Variants in PIBF1 observed in about 807,000 individuals in gnomAD.
PIBF1 encodes the protein progesterone immunomodulatory binding factor 1.
Under a neutral mutation model 112.5 loss-of-function variants are expected in PIBF1, and 90 were observed. The observed-to-expected ratio is 0.80, with a 90% CI of 0.67 to 0.95. PIBF1 has a LOEUF of 0.95. Among genes scored for constraint, PIBF1 ranks in the 40% least tolerant of loss-of-function variants. PIBF1 has a pLI of 0.00. For missense variants in PIBF1, 915 were observed against 852.3 expected (o/e 1.07, Z -0.92); for synonymous variants, 301 against 288.6 (o/e 1.04, Z -0.44).
chr13:72,942,140 T>C (rs2042029359), intron 14 of PIBF1, among the ~76,000 whole-genome samples: 1 of 151,654 alleles, frequency 6.6e-6, no homozygotes, highest in South Asian at 2.1e-4. Context: ...CTGTGGCACA[T>C]ACAACTCACA....
chr13:72,937,826 A>G (rs774792147), intron 14 of PIBF1, among the ~76,000 whole-genome samples: 1 of 151,658 alleles, frequency 6.6e-6, no homozygotes, highest in Non-Finnish European at 1.5e-5. Context: ...AAAAAAAATA[A>G]ATGAAATGAA....
intron 9 of PIBF1, 92 bp downstream of exon 9, chr13:72,835,460 TCTTTTTTAATAC>T: frequency 1.1e-6 from 1 of 934,988 alleles, no homozygotes; most frequent in Non-Finnish European, 1.5e-6. Context: ...TTATATAATG[TCTTTTTTAATAC>T]ATTAGAGAAA....
intron 10 of PIBF1, among the ~76,000 whole-genome samples, chr13:72,891,908 A>G (rs1225358790): frequency 6.6e-6 from 1 of 152,174 alleles, no homozygotes; most frequent in Non-Finnish European, 1.5e-5. Flanking sequence ...ATTCTACAAC[A>G]TGAATGAACC....
chr13:72,899,922 T>C (rs1194361478), intron 11 of PIBF1, among the ~76,000 whole-genome samples: 1 of 152,156 alleles, frequency 6.6e-6, no homozygotes. Context: ...GGATACAAGA[T>C]TGATGTACAC....
At chr13:72,992,039 C>G (rs771988675) in intron 16 of PIBF1, among the ~76,000 whole-genome samples, 10 of 151,930 alleles carry the variant, frequency 6.6e-5, no homozygotes, top group Non-Finnish European at 7.4e-5. Context: ...TTTTTTAAAA[C>G]TGTCTCAGCT....
At chr13:72,786,574 G>A (rs1293402745) in intron 2 of PIBF1, among the ~76,000 whole-genome samples, 1 of 152,028 alleles carries the variant, frequency 6.6e-6, no homozygotes, top group African/African-American at 2.4e-5. Context: ...TTCTTTGTGT[G>A]CGTCTACCAG....
In PIBF1 at chr13:72,908,614, A is replaced by G; in HGVS notation, c.1572A>G (p.Gln524=). 1 of 1,613,482 alleles carries G rather than the reference A, an allele frequency of 6.2e-7. No homozygotes were observed. Among genetic ancestry groups the G allele is most frequent in the Non-Finnish European group, 8.5e-7 (1 of 1,179,464 alleles). The change falls in exon 12 of 18, where the codon CAA becomes CAG. Residue 524 remains glutamine (Q), a synonymous_variant. Transcript: ENST00000326291. The part of the protein sequence containing the change: ...TELQAQNSEH[Q]ARLDIYEKLE... ...TTCAAGCACAGAACTCAGAGCATCA[A>G]GCAAGGCTAGACATTTATGAGAAAC...
At chr13:72,970,843 G>C (rs921702081) in intron 15 of PIBF1, 1 of 152,052 alleles carries the variant, frequency 6.6e-6, no homozygotes, top group Non-Finnish European at 1.5e-5. Flanking sequence ...TTGTCTCCCT[G>C]TGGTTCGAGT....
At chr13:72,935,667 A>G (rs2041850047) in intron 14 of PIBF1, among the ~76,000 whole-genome samples, 1 of 152,230 alleles carries the variant, frequency 6.6e-6, no homozygotes, top group Admixed American at 6.5e-5. Flanking sequence ...CCAATAATGT[A>G]TGAAAGTTCC....
intron 9 of PIBF1, among the ~76,000 whole-genome samples, chr13:72,838,840 G>A (rs1157684375): frequency 6.6e-6 from 1 of 152,158 alleles, no homozygotes. Flanking sequence ...ACTAAGGAAG[G>A]AAAGGAAATT....
At chr13:72,806,002 A>G (rs1220286233) in intron 5 of PIBF1, among the ~76,000 whole-genome samples, 3 of 152,258 alleles carry the variant, frequency 2.0e-5, no homozygotes, top group Admixed American at 2.0e-4. Context: ...TAGACTTTCA[A>G]AAAGCCATTG....
intron 6 of PIBF1, among the ~76,000 whole-genome samples, chr13:72,823,945 C>A (rs2036682508): frequency 6.6e-6 from 1 of 151,920 alleles, no homozygotes; most frequent in African/African-American, 2.4e-5. Context: ...ATTTCTAGGC[C>A]CTTTGAGTAG....
chr13:72,855,254 T>C (rs1200691726), intron 10 of PIBF1, among the ~76,000 whole-genome samples: 1 of 152,214 alleles, frequency 6.6e-6, no homozygotes, highest in Non-Finnish European at 1.5e-5. Context: ...TAAAAATCTT[T>C]TAGAATGGCT....
intron 17 of PIBF1, among the ~76,000 whole-genome samples, chr13:73,006,157 G>A (rs1233365845): frequency 1.3e-5 from 2 of 152,030 alleles, no homozygotes; most frequent in African/African-American, 4.8e-5. Context: ...GACCTCAAGT[G>A]ATCTGCCCAC....
intron 17 of PIBF1, among the ~76,000 whole-genome samples, chr13:73,001,711 C>T (rs1381784131): frequency 1.3e-5 from 2 of 149,074 alleles, no homozygotes; most frequent in Non-Finnish European, 3.0e-5. Flanking sequence ...GCAACCTCTG[C>T]CTCCCAGGTT....
In PIBF1 at chr13:72,801,842, G is replaced by C. The variant is rs1328290813; in HGVS notation, c.672+3816G>C. On this transcript the variant is annotated intron_variant, in intron 5 of 17. Transcript: ENST00000326291. The stretch of plus-strand genomic sequence containing the variant: ...CATATGAAGTGTCACCAGTGATGCT[G>C]GAAGAGCTCTCAAGCAGCAGAGAAA... Among the ~76,000 whole-genome samples, 3 of 152,188 alleles carry C rather than the reference G, an allele frequency of 2.0e-5. No homozygotes were observed. In the East Asian group the frequency reaches 5.8e-4, roughly 29 times the overall value.
chr13:72,872,835 C>T (rs2039222757), intron 10 of PIBF1, among the ~76,000 whole-genome samples: 1 of 151,984 alleles, frequency 6.6e-6, no homozygotes, highest in Non-Finnish European at 1.5e-5. Flanking sequence ...TAAAATAAAC[C>T]TTTACAACAG....
intron 2 of PIBF1, among the ~76,000 whole-genome samples, chr13:72,784,625 G>A (rs1566264042): frequency 6.6e-6 from 1 of 151,766 alleles, no homozygotes; most frequent in South Asian, 2.1e-4. Flanking sequence ...CCGCGTAGTG[G>A]TGCTGCGCCT....
chr13:72,933,282 A>C (rs933464661), intron 14 of PIBF1, among the ~76,000 whole-genome samples: 7 of 152,252 alleles, frequency 4.6e-5, no homozygotes, highest in African/African-American at 1.7e-4. Flanking sequence ...CATGCCTATT[A>C]TCCCAGCACT....
Sources: gnomAD v4.1 joint callset for allele counts (sites outside exome capture counted in the v4.1 genomes callset) on GRCh38, gnomAD v4.1.1 for gene constraint, MANE v1.5 for transcripts, NCBI Gene and HGNC (gene_info 2026-07-23, HGNC 2026-07-21) for gene names.